The following NEK10 variants were observed in gnomAD, a reference collection of about 807,000 sequenced individuals.
NEK10 encodes NIMA related kinase 10, also known as serine/threonine-protein kinase Nek10.
In NEK10, 122 loss-of-function variants were observed where a neutral mutation model predicts 159.8. The observed-to-expected ratio is 0.76, with a 90% CI of 0.66 to 0.89. The LOEUF is 0.89. Among genes scored for constraint, NEK10 ranks in the 40% least tolerant of loss-of-function variants. The probability of loss-of-function intolerance (pLI) is 0.00; values close to 1 mark genes in which losing one functional copy is unlikely to be tolerated. For synonymous variants in NEK10, 466 were observed against 457.1 expected (o/e 1.02, Z -0.25); for missense variants, 1,342 against 1,323.1 (o/e 1.01, Z -0.22).
At chr3:27,227,837 T>C (rs1200593275) in intron 23 of NEK10, among the ~76,000 whole-genome samples, 1 of 152,236 alleles carries the variant, frequency 6.6e-6, no homozygotes, top group African/African-American at 2.4e-5. Flanking sequence ...GCCATAGGCA[T>C]GGCTACTTTG....
At chr3:27,354,346 A>G (rs1017234963) in intron 1 of NEK10, among the ~76,000 whole-genome samples, 6 of 152,196 alleles carry the variant, frequency 3.9e-5, no homozygotes, top group Non-Finnish European at 8.8e-5. Context: ...AACAGGAAAT[A>G]ATGATCTAAT....
chr3:27,353,063 A>C (rs990613669), intron 1 of NEK10, 144 bp from the exon 2 acceptor site: 2 of 584,364 alleles, frequency 3.4e-6, no homozygotes, highest in East Asian at 5.7e-5. Context: ...AAAAGTGTTA[A>C]TATGAATACC....
At chr3:27,336,228 C>T (rs950823192) in intron 5 of NEK10, among the ~76,000 whole-genome samples, 1 of 151,970 alleles carries the variant, frequency 6.6e-6, no homozygotes, top group Non-Finnish European at 1.5e-5. Context: ...CAATTATATG[C>T]TAACAAACTG....
intron 23 of NEK10, among the ~76,000 whole-genome samples, chr3:27,221,670 T>C (rs187081760): frequency 1.2e-3 from 184 of 152,338 alleles, no homozygotes; most frequent in African/African-American, 3.9e-3. Flanking sequence ...GCAGACCTCA[T>C]TGGGGGAAAC....
chr3:27,256,313 TC>T lies in NEK10; in HGVS notation c.2072del (p.Gly691GlufsTer11). The T allele has an allele frequency of 6.5e-7, 1 of 1,545,630 alleles. No individual in the cohort carries two copies. Among genetic ancestry groups the T allele is most frequent in the Non-Finnish European group, 8.7e-7 (1 of 1,146,522 alleles). ...GTCCTTACCAAGAATACAGGATTGT[TC>T]CAACCACAGAGGTGAGTTTACTGTT... The part of the protein sequence containing the change: ...QENSKLTSVV[G>X]TILYSCPEVL... On this transcript the variant is annotated frameshift_variant, in exon 23 of 36. Coordinates refer to ENST00000691995, the MANE Select transcript of NEK10 (RefSeq NM_001394966.1). LOFTEE classifies it high-confidence loss of function.
intron 32 of NEK10, among the ~76,000 whole-genome samples, chr3:27,125,810 C>A (rs1315118273): frequency 6.6e-6 from 1 of 152,110 alleles, no homozygotes; most frequent in African/African-American, 2.4e-5. Context: ...ACATTTCCAG[C>A]AAGGATTGTG....
intron 3 of NEK10, among the ~76,000 whole-genome samples, chr3:27,352,200 C>T (rs184437014): frequency 1.3e-5 from 2 of 152,084 alleles, no homozygotes; most frequent in Admixed American, 6.5e-5. Flanking sequence ...TGTTTACAGA[C>T]CGAAGAGGAA....
intron 4 of NEK10, among the ~76,000 whole-genome samples, chr3:27,345,240 G>A (rs1254695045): frequency 6.6e-6 from 1 of 152,154 alleles, no homozygotes; most frequent in African/African-American, 2.4e-5. Flanking sequence ...CCATTGGACA[G>A]CATGTCCCCA....
In NEK10 at chr3:27,115,254, T is replaced by C. The variant is rs193191488; in HGVS notation, c.3299+686A>G. Among the ~76,000 whole-genome samples the C allele has an allele frequency of 1.3e-3, 197 of 152,308 alleles. 1 individual carries two copies. The highest frequency in any genetic ancestry group is 6.8e-3 in the Middle Eastern group (2 of 294). On this transcript the variant is annotated intron_variant, in intron 35 of 35. Coordinates refer to ENST00000691995, the MANE Select transcript of NEK10 (RefSeq NM_001394966.1). ...GGCTTCAATCACCTACAATGCTAATTTGCTTGATTATAAAACCTTTCTTGA... is the reference window on the plus strand; with the variant it reads ...GGCTTCAATCACCTACAATGCTAATCTGCTTGATTATAAAACCTTTCTTGA...
chr3:27,170,682 G>A (rs1035034885), intron 29 of NEK10, among the ~76,000 whole-genome samples: 34 of 152,160 alleles, frequency 2.2e-4, no homozygotes, highest in African/African-American at 7.2e-4. Context: ...CAGTGATCAC[G>A]CCACTGCACT....
At chr3:27,305,457 G>T (rs1035861862) in intron 11 of NEK10, among the ~76,000 whole-genome samples, 1 of 152,034 alleles carries the variant, frequency 6.6e-6, no homozygotes, top group Non-Finnish European at 1.5e-5. Flanking sequence ...CCAGGAGGCA[G>T]AGGTTGCAGT....
intron 22 of NEK10, among the ~76,000 whole-genome samples, chr3:27,264,539 C>G (rs963780120): frequency 6.6e-6 from 1 of 152,160 alleles, no homozygotes; most frequent in Non-Finnish European, 1.5e-5. Context: ...CAGCAGTATG[C>G]AATATATCCA....
At chr3:27,181,801 T>C (rs1308719209) in intron 26 of NEK10, among the ~76,000 whole-genome samples, 3 of 152,186 alleles carry the variant, frequency 2.0e-5, no homozygotes, top group Non-Finnish European at 2.9e-5. Flanking sequence ...AATACTAGAA[T>C]AGGTCCCAGG....
chr3:27,192,656 C>G (rs549287406), intron 25 of NEK10, among the ~76,000 whole-genome samples: 1 of 150,632 alleles, frequency 6.6e-6, no homozygotes, highest in South Asian at 2.1e-4. Flanking sequence ...ATTCTAAATT[C>G]TTAGACTGCA....
chr3:27,147,212 C>G (rs1471999208), intron 30 of NEK10, among the ~76,000 whole-genome samples: 1 of 152,158 alleles, frequency 6.6e-6, no homozygotes, highest in Non-Finnish European at 1.5e-5. Flanking sequence ...CTACAGTGCA[C>G]TGTAGCTGTT....
chr3:27,303,085 G>A (rs924911201), intron 12 of NEK10, among the ~76,000 whole-genome samples: 1 of 152,118 alleles, frequency 6.6e-6, no homozygotes, highest in South Asian at 2.1e-4. Flanking sequence ...AAAAGAAACT[G>A]TTTATCCAGC....
At chr3:27,132,519 A>T (rs1170105765) in intron 31 of NEK10, among the ~76,000 whole-genome samples, 1 of 152,206 alleles carries the variant, frequency 6.6e-6, no homozygotes, top group East Asian at 1.9e-4. Flanking sequence ...TCATTCCAGA[A>T]GAAAGAGAGG....
intron 22 of NEK10, among the ~76,000 whole-genome samples, chr3:27,263,064 G>C (rs1237558836): frequency 1.3e-5 from 2 of 152,204 alleles, no homozygotes; most frequent in African/African-American, 4.8e-5. Flanking sequence ...AGGTCTGTTG[G>C]AGTTTGCTGG....
intron 1 of NEK10, among the ~76,000 whole-genome samples, chr3:27,366,585 T>A (rs1317635476): frequency 6.6e-6 from 1 of 152,134 alleles, no homozygotes; most frequent in Non-Finnish European, 1.5e-5. Context: ...TCACCCTCAC[T>A]GGGCATGGAG....
Sources: allele counts gnomAD v4.1 joint callset (sites outside exome capture counted in the v4.1 genomes callset), GRCh38; gene constraint gnomAD v4.1.1; transcripts MANE v1.5; gene names NCBI Gene and HGNC (gene_info 2026-07-23, HGNC 2026-07-21).